The following CNTNAP3B variants were observed in gnomAD, a reference collection of about 807,000 sequenced individuals.
The protein encoded by CNTNAP3B is contactin associated protein family member 3B.
In CNTNAP3B, 25 loss-of-function variants were observed where a neutral mutation model predicts 108.9. That is an observed-to-expected ratio of 0.23 (90% CI 0.17 to 0.32). CNTNAP3B has a LOEUF of 0.32. CNTNAP3B is among the 10% of genes least tolerant of loss of function. CNTNAP3B has a pLI of 1.00. For missense variants in CNTNAP3B, 252 were observed against 1,210.4 expected (o/e 0.21, Z 11.75); for synonymous variants, 103 against 473.4 (o/e 0.22, Z 10.16).
intron 16 of CNTNAP3B, among the ~76,000 whole-genome samples, chr9:41,923,689 G>A (rs1195597203): frequency 2.0e-5 from 3 of 152,294 alleles, no homozygotes; most frequent in Non-Finnish European, 1.5e-5. Flanking sequence ...TTGAACCCAG[G>A]AGGCTGAGGT....
intron 15 of CNTNAP3B, among the ~76,000 whole-genome samples, chr9:41,925,621 A>G (rs1199589685): frequency 1.3e-5 from 2 of 152,266 alleles, no homozygotes; most frequent in Admixed American, 1.3e-4. Flanking sequence ...AAACCAAGAA[A>G]TAGCTTTTCT....
At chr9:41,939,472 ACTAT>A (rs1176806285) in intron 13 of CNTNAP3B, among the ~76,000 whole-genome samples, 3 of 151,114 alleles carry the variant, frequency 2.0e-5, no homozygotes, top group Non-Finnish European at 3.0e-5. Flanking sequence ...TACCACCACC[ACTAT>A]CTATCACCTG....
At chr9:41,961,334 A>C (rs1021853209) in intron 11 of CNTNAP3B, among the ~76,000 whole-genome samples, 1 of 152,304 alleles carries the variant, frequency 6.6e-6, no homozygotes, top group Non-Finnish European at 1.5e-5. Flanking sequence ...GAAAGCATGC[A>C]AACTCTGAAG....
rs879655977 is a variant in CNTNAP3B, at chr9:41,929,320, C to G, written c.2362G>C (p.Asp788His). Residue 788 changes from aspartate to histidine, a missense_variant, in exon 15 of 24, where the codon GAT (aspartate) becomes CAT (histidine). By Grantham distance (81) the Asp-to-His change is moderately conservative. Transcript: ENST00000377561. The part of the protein sequence containing the change: ...YTLGPLLCRG[D>H]KSFWNSASFN... ...GCTTTTTCTTGACACTACTTACTAT[C>G]TCCGCGGCAGAGCAGTGGCCCCAGT... 1.3e-6 allele frequency: 2 copies of G among 1,537,558 alleles called. No individual in the cohort carries two copies. Among genetic ancestry groups the G allele is most frequent in the Non-Finnish European group, 1.8e-6 (2 of 1,138,310 alleles).
At chr9:41,925,890 G>T (rs1458610686) in intron 15 of CNTNAP3B, among the ~76,000 whole-genome samples, 5 of 152,240 alleles carry the variant, frequency 3.3e-5, no homozygotes, top group Non-Finnish European at 7.3e-5. Flanking sequence ...AAGGAGTCGT[G>T]GTTTCTTTTT....
rs1434064977 is a variant in CNTNAP3B at position 42,027,093 on chromosome 9, C to G, written c.391-13568G>C. ...AAAGAAACATGCCAATTCACAAATA[C>G]AGAATTAGTTGATTTTATTATTGGG... On this transcript the variant is annotated intron_variant, in intron 3 of 23. Transcript: ENST00000377561. Among the ~76,000 whole-genome samples, 6 of 45,910 alleles carry G rather than the reference C, an allele frequency of 1.3e-4. 1 individual carries two copies. The highest frequency in any genetic ancestry group is 2.0e-4 in the Non-Finnish European group (5 of 24,860). 30.1% of individuals were successfully genotyped at this position (45,910 alleles called of 152,430 possible).
chr9:41,933,047 C>T (rs1341100223), intron 14 of CNTNAP3B, among the ~76,000 whole-genome samples: 9 of 152,294 alleles, frequency 5.9e-5, no homozygotes, highest in Admixed American at 5.2e-4. Context: ...CTTATCCTTT[C>T]ATCCTTAATT....
chr9:41,920,580 A>G (rs1477551445), intron 17 of CNTNAP3B, among the ~76,000 whole-genome samples: 2 of 152,302 alleles, frequency 1.3e-5, no homozygotes, highest in East Asian at 1.9e-4. Context: ...GGTAAGAAAG[A>G]ATTTCACTTT....
rs1398203392 is a variant in CNTNAP3B at position 42,129,183 on chromosome 9, C to A, written c.-89G>T. The A allele has an allele frequency of 6.8e-7, 1 of 1,469,754 alleles. No homozygotes were observed. The highest frequency in any genetic ancestry group is 9.1e-7 in the Non-Finnish European group (1 of 1,100,168). 91.0% of individuals were successfully genotyped at this position (1,469,754 alleles called of 1,614,324 possible). ...TCTCACTCCCGCTCTCACTCCCGTCCCCTGCGCGGCTCCGACGCTGCTCTG... is the reference window on the plus strand; with the variant it reads ...TCTCACTCCCGCTCTCACTCCCGTCACCTGCGCGGCTCCGACGCTGCTCTG... On this transcript the variant is annotated 5_prime_UTR_variant, in exon 1 of 24. Coordinates refer to ENST00000377561, the MANE Select transcript of CNTNAP3B (RefSeq NM_001201380.3).
chr9:41,969,150 A>C (rs1414946575), intron 10 of CNTNAP3B, among the ~76,000 whole-genome samples: 2 of 152,192 alleles, frequency 1.3e-5, no homozygotes, highest in Non-Finnish European at 2.9e-5. Context: ...CACTGAAAGT[A>C]AATACCAAAT....
intron 14 of CNTNAP3B, among the ~76,000 whole-genome samples, chr9:41,932,438 A>T (rs1211222434): frequency 6.6e-6 from 1 of 151,820 alleles, no homozygotes; most frequent in Non-Finnish European, 1.5e-5. Flanking sequence ...TATTTAAGGC[A>T]AAGTAGAGCC....
At chr9:41,961,673 A>G (rs1213166413) in intron 11 of CNTNAP3B, among the ~76,000 whole-genome samples, 1 of 152,300 alleles carries the variant, frequency 6.6e-6, no homozygotes, top group Non-Finnish European at 1.5e-5. Context: ...TCTCGTCATT[A>G]AAAAATAATT....
At chr9:41,918,631 C>T (rs1383630936) in intron 18 of CNTNAP3B, among the ~76,000 whole-genome samples, 1 of 141,278 alleles carries the variant, frequency 7.1e-6, no homozygotes, top group African/African-American at 2.8e-5. Context: ...TATGCCCCAG[C>T]CACTGGAGGA....
At chr9:41,940,779 C>A (rs1376814978) in intron 13 of CNTNAP3B, among the ~76,000 whole-genome samples, 1 of 152,034 alleles carries the variant, frequency 6.6e-6, no homozygotes, top group African/African-American at 2.4e-5. Context: ...TGTGCCACTG[C>A]ACTCCAGCCA....
chr9:42,024,797 C>A (rs540118590), intron 3 of CNTNAP3B, among the ~76,000 whole-genome samples: 3 of 145,348 alleles, frequency 2.1e-5, no homozygotes, highest in African/African-American at 7.9e-5. Context: ...TAGTTTGCAC[C>A]GTTTGCCAAT....
chr9:41,973,870 G>A lies in CNTNAP3B; in HGVS notation c.1478-3625C>T, dbSNP rs1042574076. On this transcript the variant is annotated intron_variant, in intron 9 of 23. Coordinates refer to ENST00000377561, the MANE Select transcript of CNTNAP3B (RefSeq NM_001201380.3). ...TTCTCTCTCTCTCTCTTTCTTGACA[G>A]AGTCTCGCTCTGTTGCCAGGCTGGA... Among the ~76,000 whole-genome samples the A allele has an allele frequency of 1.1e-4, 14 of 133,084 alleles. 3 individuals are homozygous for A. Among genetic ancestry groups the A allele is most frequent in the African/African-American group, 4.3e-4 (14 of 32,914 alleles). 87.3% of individuals were successfully genotyped at this position (133,084 alleles called of 152,430 possible).
At chr9:41,940,388 T>A (rs1824299745) in intron 13 of CNTNAP3B, among the ~76,000 whole-genome samples, 1 of 152,298 alleles carries the variant, frequency 6.6e-6, no homozygotes, top group Non-Finnish European at 1.5e-5. Context: ...AACCCTAATT[T>A]GAATGATAGT....
intron 18 of CNTNAP3B, among the ~76,000 whole-genome samples, chr9:41,916,027 T>C (rs1194675609): frequency 6.6e-6 from 1 of 151,592 alleles, no homozygotes; most frequent in East Asian, 1.9e-4. Flanking sequence ...GAACTATTTT[T>C]ATGCATACCA....
rs568554322 is a variant in CNTNAP3B at position 42,115,801 on chromosome 9, C to T, written c.86-11062G>A. On this transcript the variant is annotated intron_variant, in intron 1 of 23. Coordinates refer to ENST00000377561, the MANE Select transcript of CNTNAP3B (RefSeq NM_001201380.3). The stretch of plus-strand genomic sequence containing the variant: ...AAGCTGAAAATTCTAAAAATCAGAG[C>T]ACCTCTTCTCCTCCAAAGGAACACA... Among the ~76,000 whole-genome samples, 1,131 of 119,480 alleles carry T rather than the reference C, an allele frequency of 9.5e-3. 136 individuals carry two copies. Among genetic ancestry groups the T allele is most frequent in the Non-Finnish European group, 0.015 (866 of 57,884 alleles). The allele number at this position is 119,480 out of a possible 152,430, so 78.4% of individuals were successfully genotyped here.
Sources: gnomAD v4.1 joint callset for allele counts (sites outside exome capture counted in the v4.1 genomes callset) on GRCh38, gnomAD v4.1.1 for gene constraint, MANE v1.5 for transcripts, NCBI Gene and HGNC (gene_info 2026-07-23, HGNC 2026-07-21) for gene names.